The following B3GALT5 variants were observed in gnomAD, a reference collection of about 807,000 sequenced individuals.
The protein encoded by B3GALT5 is beta-1,3-galactosyltransferase 5, also known as UDP-Gal:betaGlcNAc beta 1,3-galactosyltransferase, polypeptide 5.
For synonymous variants in B3GALT5, 156 were observed against 158.6 expected (o/e 0.98, Z 0.12); for missense variants, 328 against 396.6 (o/e 0.83, Z 1.47).
At position 39,658,392 on chromosome 21, in the gene B3GALT5, T is replaced by G. The variant is rs1370690479; in HGVS notation, c.-160-1361T>G. ...AGAGGCACATCAGAGAGAATGAGAA[T>G]TTAAGGTTTACTGTTAAAGCAACCC... On this transcript the variant is annotated intron_variant, in intron 2 of 3. Coordinates refer to ENST00000684187, the MANE Select transcript of B3GALT5 (RefSeq NM_001356336.2). Among the ~76,000 whole-genome samples, 7 of 152,076 alleles carry G rather than the reference T, an allele frequency of 4.6e-5. No individual in the cohort carries two copies. In the East Asian group the frequency reaches 1.2e-3, roughly 25 times the overall value.
At chr21:39,649,276 T>C (rs1412313770) in intron 2 of B3GALT5, among the ~76,000 whole-genome samples, 1 of 152,140 alleles carries the variant, frequency 6.6e-6, no homozygotes, top group Non-Finnish European at 1.5e-5. Context: ...CCCAGACTGC[T>C]CATTTGCTCC....
intron 1 of B3GALT5, among the ~76,000 whole-genome samples, chr21:39,625,543 A>G (rs978600236): frequency 1.3e-5 from 2 of 152,220 alleles, no homozygotes; most frequent in African/African-American, 4.8e-5. Flanking sequence ...ATTAGTTTCA[A>G]ATAAATTTGG....
At chr21:39,614,872 C>T (rs1227146522) in intron 1 of B3GALT5, among the ~76,000 whole-genome samples, 2 of 152,178 alleles carry the variant, frequency 1.3e-5, no homozygotes, top group African/African-American at 2.4e-5. Context: ...GGCCTAGAGC[C>T]TGATCCTGAA....
chr21:39,651,038 T>A (rs1027655625), intron 2 of B3GALT5, among the ~76,000 whole-genome samples: 2 of 151,958 alleles, frequency 1.3e-5, no homozygotes, highest in African/African-American at 2.4e-5. Flanking sequence ...TTCCCCTGAA[T>A]CGGTGCCATC....
chr21:39,624,780 C>G (rs890614724), intron 1 of B3GALT5, among the ~76,000 whole-genome samples: 1 of 151,288 alleles, frequency 6.6e-6, no homozygotes, highest in Non-Finnish European at 1.5e-5. Context: ...TACCTCTTTG[C>G]TAGTTGTTAG....
intron 1 of B3GALT5, among the ~76,000 whole-genome samples, chr21:39,620,490 A>G (rs2079128802): frequency 6.6e-6 from 1 of 152,112 alleles, no homozygotes; most frequent in African/African-American, 2.4e-5. Flanking sequence ...ATTGTATTAG[A>G]TATTTTGGTT....
chr21:39,613,607 GAGGTACCT>G (rs974197392), intron 1 of B3GALT5, among the ~76,000 whole-genome samples: 37 of 152,334 alleles, frequency 2.4e-4, no homozygotes, highest in African/African-American at 8.4e-4. Flanking sequence ...TAAATACAGT[GAGGTACCT>G]TAAGACTCAG....
Position 39,639,383 on chromosome 21 carries a change from C to T in B3GALT5, c.-391-7009C>T, listed in dbSNP as rs1222906738. Among the ~76,000 whole-genome samples, 205 of 104,392 alleles carry T rather than the reference C, an allele frequency of 2.0e-3. 2 individuals carry two copies. The highest frequency in any genetic ancestry group is 9.2e-3 in the East Asian group (33 of 3,606). 68.5% of individuals were successfully genotyped at this position (104,392 alleles called of 152,430 possible). On this transcript the variant is annotated intron_variant, in intron 1 of 3. Coordinates refer to ENST00000684187, the MANE Select transcript of B3GALT5 (RefSeq NM_001356336.2). ...CCTTCCTTCCTTCCTTCCTTCCTTCCTTCCTTCCTTCTTTCTTTTTCTTTC... is the reference window on the plus strand; with the variant it reads ...CCTTCCTTCCTTCCTTCCTTCCTTCTTTCCTTCCTTCTTTCTTTTTCTTTC...
At chr21:39,655,773 G>T (rs377481235) in intron 2 of B3GALT5, among the ~76,000 whole-genome samples, 1 of 152,154 alleles carries the variant, frequency 6.6e-6, no homozygotes, top group African/African-American at 2.4e-5. Context: ...CCAGGCTGGC[G>T]TCAGTCTGGG....
chr21:39,618,438 C>T (rs2079118092), intron 1 of B3GALT5, among the ~76,000 whole-genome samples: 1 of 152,212 alleles, frequency 6.6e-6, no homozygotes, highest in Non-Finnish European at 1.5e-5. Flanking sequence ...TGTTTTTCCA[C>T]AGCTTCCCCA....
chr21:39,636,524 C>T (rs556381301), intron 1 of B3GALT5, among the ~76,000 whole-genome samples: 1 of 152,282 alleles, frequency 6.6e-6, no homozygotes, highest in African/African-American at 2.4e-5. Flanking sequence ...CCGGAGGACA[C>T]TGGCCAACAA....
intron 2 of B3GALT5, chr21:39,657,461 A>C (rs2079456450): frequency 6.4e-6 from 1 of 157,090 alleles, no homozygotes; most frequent in South Asian, 2.0e-4. Flanking sequence ...GATTTATACC[A>C]AGCAGGTTTC....
At position 39,660,570 on chromosome 21, in the gene B3GALT5, C is replaced by G. The variant is rs146088205; in HGVS notation, c.11C>G (p.Pro4Arg). The G allele has an allele frequency of 7.8e-6, 11 of 1,415,722 alleles. No homozygotes were observed. The highest frequency in any genetic ancestry group is 2.7e-5 in the Admixed American group (1 of 37,222). The allele number at this position is 1,415,722 out of a possible 1,614,324, so 87.7% of individuals were successfully genotyped here. The change falls in exon 4 of 4, where the codon CCG becomes CGG. Residue 4 changes from proline (P) to arginine (R), a missense_variant. Physicochemically the swap from Pro to Arg is moderately radical, Grantham distance 103 (BLOSUM62 -2). Coordinates refer to ENST00000684187, the MANE Select transcript of B3GALT5 (RefSeq NM_001356336.2). Reference sequence around the variant, plus strand: ...TTTTGTTCCTTTCAGATGGCTTTCCCGAAGATGAGATTGATGTATATTTGC... The same window carrying G: ...TTTTGTTCCTTTCAGATGGCTTTCCGGAAGATGAGATTGATGTATATTTGC... Reference protein sequence around the residue: MAFPKMRLMYICLL... With the variant: MAFRKMRLMYICLL...
intron 1 of B3GALT5, among the ~76,000 whole-genome samples, chr21:39,638,644 A>G (rs1304583103): frequency 6.6e-6 from 1 of 152,200 alleles, no homozygotes; most frequent in East Asian, 1.9e-4. Context: ...GAGATAAGGC[A>G]GGGGTCTAAC....
In B3GALT5 at chr21:39,633,795, T is replaced by C. The variant is rs142990537; in HGVS notation, c.-391-12597T>C. Among the ~76,000 whole-genome samples, 21 of 152,360 alleles carry C rather than the reference T, an allele frequency of 1.4e-4. No individual in the cohort carries two copies. In the East Asian group the frequency reaches 4.0e-3, roughly 29 times the overall value. On this transcript the variant is annotated intron_variant, in intron 1 of 3. Transcript: ENST00000684187. The stretch of plus-strand genomic sequence containing the variant: ...TTCTATTGTGAAAATTGCTTTCATA[T>C]ATATTTGGTTTATTTTGCCCTCCGG...
Position 39,662,691 on chromosome 21 carries a change from T to C in B3GALT5, c.*1199T>C, listed in dbSNP as rs761131120. The C allele has an allele frequency of 6.0e-6, 1 of 167,578 alleles. No homozygotes were observed. Among genetic ancestry groups the C allele is most frequent in the Non-Finnish European group, 1.5e-5 (1 of 68,118 alleles). 10.4% of individuals were successfully genotyped at this position (167,578 alleles called of 1,614,324 possible). On this transcript the variant is annotated 3_prime_UTR_variant, in exon 4 of 4. Coordinates refer to ENST00000684187, the MANE Select transcript of B3GALT5 (RefSeq NM_001356336.2). ...CTACCCAGAGGTTTGTGCGAGCCTG[T>C]GTTGCAGGGTTGTATAAAACCAAGG...
At chr21:39,618,497 G>A (rs2079118355) in intron 1 of B3GALT5, among the ~76,000 whole-genome samples, 1 of 152,174 alleles carries the variant, frequency 6.6e-6, no homozygotes, top group Non-Finnish European at 1.5e-5. Flanking sequence ...TCATGAGTAT[G>A]AAGTAGAATC....
intron 1 of B3GALT5, among the ~76,000 whole-genome samples, chr21:39,617,810 A>G (rs1569204979): frequency 6.6e-6 from 1 of 151,992 alleles, no homozygotes; most frequent in African/African-American, 2.4e-5. Flanking sequence ...GCCCAAGACA[A>G]TTCTTCTTCT....
rs549087103 is a variant in B3GALT5 at position 39,660,303 on chromosome 21, G to A, written c.1-257G>A. 9.2e-5 allele frequency among the ~76,000 whole-genome samples: 14 copies of A among 152,326 alleles called. No homozygotes were observed. In the South Asian group the frequency reaches 2.3e-3, roughly 25 times the overall value. On this transcript the variant is annotated intron_variant, in intron 3 of 3. Transcript: ENST00000684187. ...TACAGACAGGCAATTGGAGACTCCC[G>A]TAGGTTAAGGGCTGCAGAGCCTGGA...
Sources: gnomAD v4.1 joint callset for allele counts (sites outside exome capture counted in the v4.1 genomes callset) on GRCh38, gnomAD v4.1.1 for gene constraint, MANE v1.5 for transcripts, NCBI Gene and HGNC (gene_info 2026-07-23, HGNC 2026-07-21) for gene names.